Variants in SFMBT1 observed in about 807,000 individuals in gnomAD.
The protein encoded by SFMBT1 is Scm like with four mbt domains 1, also known as scm-like with four MBT domains protein 1.
In SFMBT1, 32 loss-of-function variants were observed where a neutral mutation model predicts 108.7. That is an observed-to-expected ratio of 0.29 (90% CI 0.22 to 0.40). The LOEUF is 0.40. Among genes scored for constraint, SFMBT1 ranks in the 10% least tolerant of loss-of-function variants. SFMBT1 has a pLI of 1.00. For synonymous variants in SFMBT1, 348 were observed against 369.5 expected, an observed-to-expected ratio of 0.94 and a Z score of 0.67; for missense variants, 816 against 1,059.6, an observed-to-expected ratio of 0.77 and a Z score of 3.19.
chr3:52,955,376 G>A (rs1703745291), intron 2 of SFMBT1, among the ~76,000 whole-genome samples: 1 of 151,914 alleles, frequency 6.6e-6, no homozygotes, highest in Non-Finnish European at 1.5e-5. Context: ...TCGTGCCAGT[G>A]CACTCCAGCC....
At chr3:52,971,276 T>C (rs2106862758) in intron 1 of SFMBT1, among the ~76,000 whole-genome samples, 1 of 152,368 alleles carries the variant, frequency 6.6e-6, no homozygotes, top group South Asian at 2.1e-4. Flanking sequence ...CTTTTTCAGA[T>C]TTTAAATTTT....
intron 1 of SFMBT1, among the ~76,000 whole-genome samples, chr3:52,984,105 C>G (rs1361723751): frequency 2.0e-5 from 3 of 152,102 alleles, no homozygotes; most frequent in Non-Finnish European, 4.4e-5. Context: ...ACTGAAGTTT[C>G]TGGCTTAAGC....
intron 1 of SFMBT1, among the ~76,000 whole-genome samples, chr3:53,040,560 T>C (rs1447180221): frequency 6.6e-6 from 1 of 151,608 alleles, no homozygotes; most frequent in African/African-American, 2.4e-5. Context: ...AGTTTAATAA[T>C]TAACCTTTCT....
At chr3:53,038,156 G>C (rs867142005) in intron 1 of SFMBT1, among the ~76,000 whole-genome samples, 1 of 152,116 alleles carries the variant, frequency 6.6e-6, no homozygotes, top group Admixed American at 6.5e-5. Context: ...TGCACCTGTA[G>C]TCCTAGCTAC....
chr3:53,027,014 C>A (rs1699516042), intron 1 of SFMBT1, among the ~76,000 whole-genome samples: 1 of 152,132 alleles, frequency 6.6e-6, no homozygotes, highest in Non-Finnish European at 1.5e-5. Flanking sequence ...AACTCCTCGT[C>A]TCAACTAATC....
chr3:52,928,261 G>C lies in SFMBT1; in HGVS notation c.978C>G (p.His326Gln). Residue 326 changes from histidine (H) to glutamine (Q), a missense_variant, in exon 9 of 21, where the codon CAC (histidine) becomes CAG (glutamine). Transcript: ENST00000394752. ...ENHARRSFVCHADSPGIFPVQ... is the reference protein window; with the variant it reads ...ENHARRSFVCQADSPGIFPVQ... ...CAGGGAAGATGCCAGGACTGTCGGC[G>C]TGGCACACAAAGGATCGCCGTGCGT... The C allele has an allele frequency of 6.2e-7, 1 of 1,614,092 alleles. No individual in the cohort carries two copies. Among genetic ancestry groups the C allele is most frequent in the Non-Finnish European group, 8.5e-7 (1 of 1,180,002 alleles).
intron 1 of SFMBT1, among the ~76,000 whole-genome samples, chr3:52,978,351 G>T (rs1347387052): frequency 6.6e-6 from 1 of 152,102 alleles, no homozygotes; most frequent in Admixed American, 6.6e-5. Flanking sequence ...AAGTAAGCAA[G>T]CAAGAACAAG....
chr3:53,018,859 T>A (rs577359506), intron 1 of SFMBT1, among the ~76,000 whole-genome samples: 1 of 152,310 alleles, frequency 6.6e-6, no homozygotes, highest in Non-Finnish European at 1.5e-5. Flanking sequence ...TTCTTCCTCT[T>A]TAGCCAATCC....
chr3:53,038,043 G>A (rs997695937), intron 1 of SFMBT1, among the ~76,000 whole-genome samples: 6 of 152,078 alleles, frequency 3.9e-5, no homozygotes, highest in South Asian at 2.1e-4. Flanking sequence ...ACCAGGAGGC[G>A]GAGGTGGCCA....
At chr3:53,008,317 A>G (rs1410367574) in intron 1 of SFMBT1, among the ~76,000 whole-genome samples, 1 of 152,196 alleles carries the variant, frequency 6.6e-6, no homozygotes, top group Admixed American at 6.6e-5. Flanking sequence ...ACGGTTCTGG[A>G]GAAGAAAACA....
Position 52,989,979 on chromosome 3 carries a change from T to A in SFMBT1, c.-130-20721A>T, listed in dbSNP as rs553910710. Among the ~76,000 whole-genome samples the A allele has an allele frequency of 3.9e-5, 6 of 152,276 alleles. No homozygotes were observed. In the East Asian group the frequency reaches 7.7e-4, roughly 20 times the overall value. On this transcript the variant is annotated intron_variant, in intron 1 of 20. Transcript: ENST00000394752. ...TAAGGCAGACAATTGGTTACTAATGTCTCCTTCAAAGGGAAAAAATTTCCA... is the reference window on the plus strand; with the variant it reads ...TAAGGCAGACAATTGGTTACTAATGACTCCTTCAAAGGGAAAAAATTTCCA...
intron 1 of SFMBT1, among the ~76,000 whole-genome samples, chr3:53,005,357 C>G (rs545657691): frequency 1.3e-5 from 2 of 152,092 alleles, no homozygotes; most frequent in African/African-American, 2.4e-5. Context: ...TCACCCAGGC[C>G]GAAGTGCAGT....
At chr3:52,952,877 G>A (rs959928383) in intron 3 of SFMBT1, among the ~76,000 whole-genome samples, 3 of 152,108 alleles carry the variant, frequency 2.0e-5, no homozygotes, top group African/African-American at 7.2e-5. Flanking sequence ...TAACAGAATT[G>A]GTTCTTCTTC....
chr3:53,009,336 T>C (rs1321670237), intron 1 of SFMBT1, among the ~76,000 whole-genome samples: 1 of 151,978 alleles, frequency 6.6e-6, no homozygotes, highest in Admixed American at 6.6e-5. Flanking sequence ...TAATCTCAGC[T>C]ACTCGGGAGG....
intron 1 of SFMBT1, among the ~76,000 whole-genome samples, chr3:53,024,438 C>A (rs181637069): frequency 6.6e-6 from 1 of 152,098 alleles, no homozygotes; most frequent in African/African-American, 2.4e-5. Flanking sequence ...CAGGCAATGG[C>A]GAGGATATCT....
rs138290919 is a variant in SFMBT1 at position 52,926,726 on chromosome 3, T to A, written c.1049-613A>T. Among the ~76,000 whole-genome samples the A allele has an allele frequency of 9.9e-5, 15 of 152,278 alleles. No homozygotes were observed. In the South Asian group the frequency reaches 1.0e-3, roughly 11 times the overall value. On this transcript the variant is annotated intron_variant, in intron 9 of 20. Coordinates refer to ENST00000394752, the MANE Select transcript of SFMBT1 (RefSeq NM_016329.4). The stretch of plus-strand genomic sequence containing the variant: ...CACTTAAGTCTACTGAGGTTCTTGA[T>A]GGAAGCATCTCCAAGCTGCTGCTGA...
chr3:52,930,949 A>G lies in SFMBT1; in HGVS notation c.787T>C (p.Leu263=). 1 of 1,613,914 alleles carries G rather than the reference A, an allele frequency of 6.2e-7. No homozygotes were observed. The highest frequency in any genetic ancestry group is 1.1e-5 in the South Asian group (1 of 91,084). ...EEEEEPLPSY[L]FKDKQVIGIH... is the part of the protein sequence containing the mutation. ...ACATGTTTTGTTTTTACCTTAAATA[A>G]GTAAGATGGTAATGGCTCTTCCTCT... is the stretch of plus-strand genomic sequence containing the variant. Residue 263 remains leucine (L), a synonymous_variant, in exon 7 of 21, where the codon TTA becomes CTA. Coordinates refer to ENST00000394752, the MANE Select transcript of SFMBT1 (RefSeq NM_016329.4).
rs1699896325 is a variant in SFMBT1, at chr3:53,037,231, C to T, written c.-131+8585G>A. ...CTTGCTGCAGAAAAGGAAGACTCTC[C>T]CTAGAAGGGGAGGCCAGAAGAGACC... On this transcript the variant is annotated intron_variant, in intron 1 of 20. Coordinates refer to ENST00000394752, the MANE Select transcript of SFMBT1 (RefSeq NM_016329.4). Among the ~76,000 whole-genome samples, 3 of 152,148 alleles carry T rather than the reference C, an allele frequency of 2.0e-5. No individual in the cohort carries two copies. The South Asian group carries it at 6.2e-4, about 32-fold the overall frequency.
chr3:52,907,389 A>C (rs759406248), intron 18 of SFMBT1, 75 bp from the exon 19 acceptor site: 5 of 1,533,844 alleles, frequency 3.3e-6, no homozygotes, highest in Admixed American at 2.2e-5. Flanking sequence ...AAAAAAAATA[A>C]TAAAGAAAGA....
Sources: gnomAD v4.1 joint callset for allele counts (sites outside exome capture counted in the v4.1 genomes callset) on GRCh38, gnomAD v4.1.1 for gene constraint, MANE v1.5 for transcripts, NCBI Gene and HGNC (gene_info 2026-07-23, HGNC 2026-07-21) for gene names.